The following C1orf74 variants were observed in gnomAD, a reference collection of about 807,000 sequenced individuals.
The protein encoded by C1orf74 is chromosome 1 open reading frame 74.
Under a neutral mutation model 7.3 loss-of-function variants are expected in C1orf74, and 5 were observed. That is an observed-to-expected ratio of 0.68 (90% confidence interval 0.36 to 1.44). The LOEUF (loss-of-function observed/expected upper bound fraction) is 1.44. Ranked by LOEUF, C1orf74 falls within the 40% of genes most tolerant of loss-of-function variation. The pLI is 0.04. For synonymous variants in C1orf74, 121 were observed against 132.5 expected (o/e 0.91, Z 0.59); for missense variants, 291 against 314.3 (o/e 0.93, Z 0.56).
In C1orf74 at chr1:209,779,231, C is replaced by A; in HGVS notation, c.*3594G>T. On this transcript the variant is annotated 3_prime_UTR_variant, in exon 2 of 2. Coordinates refer to ENST00000294811, the MANE Select transcript of C1orf74 (RefSeq NM_152485.4). ...CAGCAGATGGGAACATATTTAATAA[C>A]CAAGGTTCTAAGCAAAGTTCTGAAA... is the stretch of plus-strand genomic sequence containing the variant. 2 of 1,131,140 alleles carry A rather than the reference C, an allele frequency of 1.8e-6. No homozygotes were observed. The highest frequency in any genetic ancestry group is 2.6e-6 in the Non-Finnish European group (2 of 769,592). The allele number at this position is 1,131,140 out of a possible 1,614,324, so 70.1% of individuals were successfully genotyped here.
Position 209,779,319 on chromosome 1 carries a change from G to C in C1orf74, c.*3506C>G. 6.2e-7 allele frequency: 1 copy of C among 1,614,104 alleles called. No homozygotes were observed. Among genetic ancestry groups the C allele is most frequent in the Non-Finnish European group, 8.5e-7 (1 of 1,179,946 alleles). ...GTTCCTTGTGTTTTCCAACAGGTTT[G>C]CTTCAAAATCAATCCTTACAGCTTC... On this transcript the variant is annotated 3_prime_UTR_variant, in exon 2 of 2. Transcript: ENST00000294811.
rs145543961 is a variant in C1orf74, at chr1:209,783,455, A to G, written c.180T>C (p.Cys60=). 3 of 1,613,978 alleles carry G rather than the reference A, an allele frequency of 1.9e-6. No homozygotes were observed. Among genetic ancestry groups the G allele is most frequent in the Non-Finnish European group, 2.5e-6 (3 of 1,180,004 alleles). ...LKPAVLYDCN[C]AGASELQSYL... The stretch of plus-strand genomic sequence containing the variant: ...AGCTCTGGAGCTCTGATGCCCCTGC[A>G]CAGTTGCAATCATAGAGCACAGCTG... The change falls in exon 2 of 2, where the codon TGT becomes TGC. Residue 60 remains cysteine, a synonymous_variant. Transcript: ENST00000294811.
chr1:209,782,419 A>G lies in C1orf74; in HGVS notation c.*406T>C, dbSNP rs536050310. On this transcript the variant is annotated 3_prime_UTR_variant, in exon 2 of 2. Coordinates refer to ENST00000294811, the MANE Select transcript of C1orf74 (RefSeq NM_152485.4). ...TCTCCTCAAATTCAGTTGGAGGCAT[A>G]TAAACATGCAGAAAAGCCCCCAGCC... is the stretch of plus-strand genomic sequence containing the variant. The G allele has an allele frequency of 9.7e-5, 47 of 485,124 alleles. No homozygotes were observed. Among genetic ancestry groups the G allele is most frequent in the African/African-American group, 7.2e-4 (37 of 51,530 alleles). 30.1% of individuals were successfully genotyped at this position (485,124 alleles called of 1,614,324 possible).
chr1:209,779,268 T>G lies in C1orf74; in HGVS notation c.*3557A>C. Reference sequence around the variant, plus strand: ...GCAAAGTTCTGAAAAGAAAACTTTTTGTAGTAAATATGCTAGCATAGACAA... The same window carrying G: ...GCAAAGTTCTGAAAAGAAAACTTTTGGTAGTAAATATGCTAGCATAGACAA... On this transcript the variant is annotated 3_prime_UTR_variant, in exon 2 of 2. Coordinates refer to ENST00000294811, the MANE Select transcript of C1orf74 (RefSeq NM_152485.4). 6.5e-7 allele frequency: 1 copy of G among 1,550,352 alleles called. No homozygotes were observed. Among genetic ancestry groups the G allele is most frequent in the Non-Finnish European group, 8.9e-7 (1 of 1,127,166 alleles).
chr1:209,783,885 G>C (rs2077815096), intron 1 of C1orf74, among the ~76,000 whole-genome samples, 176 bp from the exon 2 acceptor site: 1 of 152,034 alleles, frequency 6.6e-6, no homozygotes, highest in Admixed American at 6.5e-5. Context: ...TCATAAATTC[G>C]TGTGTTTTTC....
chr1:209,780,811 T>C lies in C1orf74; in HGVS notation c.*2014A>G. Reference sequence around the variant, plus strand: ...TTATACCAACTCCTATTCAAGGTTTTATTAAATGATTACCTTTTAGAAAGT... The same window carrying C: ...TTATACCAACTCCTATTCAAGGTTTCATTAAATGATTACCTTTTAGAAAGT... On this transcript the variant is annotated 3_prime_UTR_variant, in exon 2 of 2. Transcript: ENST00000294811. The C allele has an allele frequency of 2.8e-6, 1 of 362,434 alleles. No homozygotes were observed. Among genetic ancestry groups the C allele is most frequent in the South Asian group, 8.8e-5 (1 of 11,388 alleles). The allele number at this position is 362,434 out of a possible 1,614,324, so 22.5% of individuals were successfully genotyped here.
In C1orf74 at chr1:209,780,531, A is replaced by G. The variant is rs139097371; in HGVS notation, c.*2294T>C. On this transcript the variant is annotated 3_prime_UTR_variant, in exon 2 of 2. Transcript: ENST00000294811. The stretch of plus-strand genomic sequence containing the variant: ...CTAACGAAGTGGAGCCTGAGGGTAC[A>G]GGGAAGGAGAAAGACTGGGATCTCA... The G allele has an allele frequency of 6.9e-6, 11 of 1,604,084 alleles. No individual in the cohort carries two copies. The African/African-American group carries it at 1.5e-4, about 22-fold the overall frequency.
chr1:209,783,345 G>A lies in C1orf74; in HGVS notation c.290C>T (p.Pro97Leu), dbSNP rs1278065488. ...EIGENSLIVS[P>L]EHVCQHLEQV... Reference sequence around the variant, plus strand: ...CTCCAAGTGCTGACATACATGCTCAGGACTGACAATCAGGCTGTTTTCTCC... The same window carrying A: ...CTCCAAGTGCTGACATACATGCTCAAGACTGACAATCAGGCTGTTTTCTCC... The change falls in exon 2 of 2, where the codon CCT becomes CTT. Residue 97 changes from proline (P) to leucine (L), a missense_variant. By Grantham distance (98) the Pro-to-Leu change is moderately conservative. Coordinates refer to ENST00000294811, the MANE Select transcript of C1orf74 (RefSeq NM_152485.4). The A allele has an allele frequency of 6.2e-7, 1 of 1,614,208 alleles. No individual in the cohort carries two copies. The highest frequency in any genetic ancestry group is 1.7e-5 in the Admixed American group (1 of 60,028).
At position 209,781,302 on chromosome 1, in the gene C1orf74, T is replaced by C. The variant is rs1309903094; in HGVS notation, c.*1523A>G. 9 of 1,412,692 alleles carry C rather than the reference T, an allele frequency of 6.4e-6. No individual in the cohort carries two copies. In the African/African-American group the frequency reaches 8.5e-5, roughly 13 times the overall value. 87.5% of individuals were successfully genotyped at this position (1,412,692 alleles called of 1,614,324 possible). The stretch of plus-strand genomic sequence containing the variant: ...AGTCTCCCCTGCCTGGGCTCTGTCC[T>C]AGACAGAAGTGACAGTGATGACTTT... On this transcript the variant is annotated 3_prime_UTR_variant, in exon 2 of 2. Transcript: ENST00000294811.
In C1orf74 at chr1:209,780,932, A is replaced by G. The variant is rs998873789; in HGVS notation, c.*1893T>C. On this transcript the variant is annotated 3_prime_UTR_variant, in exon 2 of 2. Transcript: ENST00000294811. The stretch of plus-strand genomic sequence containing the variant: ...AGTCTTTATATGTCTCTTAAAGAGT[A>G]AAACTCTTCCTTTGTACATACTCAC... 1 of 186,008 alleles carries G rather than the reference A, an allele frequency of 5.4e-6. No individual in the cohort carries two copies. Among genetic ancestry groups the G allele is most frequent in the African/African-American group, 2.4e-5 (1 of 42,504 alleles). The allele number at this position is 186,008 out of a possible 1,614,324, so 11.5% of individuals were successfully genotyped here.
chr1:209,782,920 C>A lies in C1orf74; in HGVS notation c.715G>T (p.Glu239Ter), dbSNP rs776903227. The change falls in exon 2 of 2, where the codon GAG (glutamate) becomes TAG (stop). Residue 239 changes from glutamate (E) to a stop codon, truncating the protein, a stop_gained. Transcript: ENST00000294811. LOFTEE classifies it high-confidence loss of function. ...CTAAATCGGGTTCTGAGGTCCTTCT[C>A]CCAGGTGTTTAGAATGTCCCTCAGG... ...PGLRDILNTWEKDLRTRFRTQ... is the reference protein window; with the variant it reads ...PGLRDILNTW 6.2e-7 allele frequency: 1 copy of A among 1,614,180 alleles called. No homozygotes were observed. Among genetic ancestry groups the A allele is most frequent in the Non-Finnish European group, 8.5e-7 (1 of 1,180,026 alleles).
Position 209,784,504 on chromosome 1 carries a change from TG to T in C1orf74, c.-203del, listed in dbSNP as rs2077820065. On this transcript the variant is annotated 5_prime_UTR_variant, in exon 1 of 2. An upstream open reading frame in the 5' UTR loses its in-frame stop. Transcript: ENST00000294811. Reference sequence around the variant, plus strand: ...GTAACACTGGAAAACCCGCCTGCGCTGGGAAGACCCTCGCAGCCCGCTCTGC... The same window carrying T: ...GTAACACTGGAAAACCCGCCTGCGCTGGAAGACCCTCGCAGCCCGCTCTGC... 6.6e-6 allele frequency: 1 copy of T among 152,284 alleles called. No homozygotes were observed. Among genetic ancestry groups the T allele is most frequent in the Non-Finnish European group, 1.5e-5 (1 of 68,056 alleles). 9.4% of individuals were successfully genotyped at this position (152,284 alleles called of 1,614,324 possible). A position where few individuals can be genotyped will look rare whatever the true frequency, so the allele number is the denominator to read the frequency against.
In C1orf74 at chr1:209,783,434, C is replaced by A. The variant is rs1332571353; in HGVS notation, c.201G>T (p.Gln67His). The A allele has an allele frequency of 6.2e-7, 1 of 1,614,194 alleles. No homozygotes were observed. Among genetic ancestry groups the A allele is most frequent in the African/African-American group, 1.3e-5 (1 of 75,048 alleles). Reference protein sequence around the residue: ...DCNCAGASELQSYLEELKGLG... With the variant: ...DCNCAGASELHSYLEELKGLG... The stretch of plus-strand genomic sequence containing the variant: ...GCCCCTTCAGCTCCTCCAGATAGCT[C>A]TGGAGCTCTGATGCCCCTGCACAGT... The change falls in exon 2 of 2, where the codon CAG becomes CAT. Residue 67 changes from glutamine to histidine, a missense_variant. Coordinates refer to ENST00000294811, the MANE Select transcript of C1orf74 (RefSeq NM_152485.4).
rs1427672533 is a variant in C1orf74, at chr1:209,780,489, G to A, written c.*2336C>T. The stretch of plus-strand genomic sequence containing the variant: ...TTTTAGATCAGGCTTTGCCCGTGTG[G>A]AGTCCAAAGTCCTTCCCTAACGAAG... On this transcript the variant is annotated 3_prime_UTR_variant, in exon 2 of 2. Transcript: ENST00000294811. 1.9e-6 allele frequency: 3 copies of A among 1,594,782 alleles called. No individual in the cohort carries two copies. The highest frequency in any genetic ancestry group is 2.6e-6 in the Non-Finnish European group (3 of 1,169,692).
At position 209,781,200 on chromosome 1, in the gene C1orf74, C is replaced by T; in HGVS notation, c.*1625G>A. 1.8e-6 allele frequency: 1 copy of T among 553,006 alleles called. No individual in the cohort carries two copies. Among genetic ancestry groups the T allele is most frequent in the Non-Finnish European group, 3.3e-6 (1 of 301,374 alleles). 34.3% of individuals were successfully genotyped at this position (553,006 alleles called of 1,614,324 possible). ...CAGACAATGTAAGACAGTCAAAAGA[C>T]AAACTCAAATCCCTGAGAATGGCTG... is the stretch of plus-strand genomic sequence containing the variant. On this transcript the variant is annotated 3_prime_UTR_variant, in exon 2 of 2. Coordinates refer to ENST00000294811, the MANE Select transcript of C1orf74 (RefSeq NM_152485.4).
chr1:209,781,102 A>G lies in C1orf74; in HGVS notation c.*1723T>C, dbSNP rs1351395753. 1 of 252,630 alleles carries G rather than the reference A, an allele frequency of 4.0e-6. No homozygotes were observed. The highest frequency in any genetic ancestry group is 7.7e-6 in the Non-Finnish European group (1 of 130,414). The allele number at this position is 252,630 out of a possible 1,614,324, so 15.6% of individuals were successfully genotyped here. A position where few individuals can be genotyped will look rare whatever the true frequency, so the allele number is the denominator to read the frequency against. ...GCAAAGCACTTGCACGTAAAGTCAT[A>G]TAAAAGAACTTAAATGTATAAAATG... is the stretch of plus-strand genomic sequence containing the variant. On this transcript the variant is annotated 3_prime_UTR_variant, in exon 2 of 2. Transcript: ENST00000294811.
chr1:209,783,247 CCAGGGAGCAGA>C lies in C1orf74; in HGVS notation c.377_387del (p.Val126GlyfsTer12), dbSNP rs1282987547. The C allele has an allele frequency of 6.2e-7, 1 of 1,614,110 alleles. No homozygotes were observed. The highest frequency in any genetic ancestry group is 1.3e-5 in the African/African-American group (1 of 75,004). ...AGGGCCTTCAAGTCCTGAAGCTGGT[CCAGGGAGCAGA>C]CAGAAGGGTGACGCTGGCAGCTGGA... On this transcript the variant is annotated frameshift_variant, in exon 2 of 2. Coordinates refer to ENST00000294811, the MANE Select transcript of C1orf74 (RefSeq NM_152485.4). LOFTEE classifies it high-confidence loss of function.
In C1orf74 at chr1:209,781,729, C is replaced by G; in HGVS notation, c.*1096G>C. The G allele has an allele frequency of 2.1e-6, 1 of 482,596 alleles. No homozygotes were observed. Among genetic ancestry groups the G allele is most frequent in the Non-Finnish European group, 3.7e-6 (1 of 268,126 alleles). The allele number at this position is 482,596 out of a possible 1,614,324, so 29.9% of individuals were successfully genotyped here. A position where few individuals can be genotyped will look rare whatever the true frequency, so the allele number is the denominator to read the frequency against. On this transcript the variant is annotated 3_prime_UTR_variant, in exon 2 of 2. Coordinates refer to ENST00000294811, the MANE Select transcript of C1orf74 (RefSeq NM_152485.4). ...GGGTGTTCTTTTAGCCGATGATAAG[C>G]ATGGTGGCAAGAACAGAAGGACACA...
Position 209,779,299 on chromosome 1 carries a change from TTG to T in C1orf74, c.*3524_*3525del, listed in dbSNP as rs780148643. On this transcript the variant is annotated 3_prime_UTR_variant, in exon 2 of 2. Coordinates refer to ENST00000294811, the MANE Select transcript of C1orf74 (RefSeq NM_152485.4). The stretch of plus-strand genomic sequence containing the variant: ...AAATATGCTAGCATAGACAAGTTCC[TTG>T]TGTTTTCCAACAGGTTTGCTTCAAA... 31 of 1,613,284 alleles carry T rather than the reference TTG, an allele frequency of 1.9e-5. No homozygotes were observed. In the African/African-American group the frequency reaches 3.7e-4, roughly 19 times the overall value.
Sources: allele counts gnomAD v4.1 joint callset (sites outside exome capture counted in the v4.1 genomes callset), GRCh38; gene constraint gnomAD v4.1.1; transcripts MANE v1.5; gene names NCBI Gene and HGNC (gene_info 2026-07-23, HGNC 2026-07-21).